SGCD: variants seen among roughly 807,000 people sequenced by gnomAD.
SGCD encodes sarcoglycan delta, also known as delta-sarcoglycan.
Under a neutral mutation model 36.6 loss-of-function variants are expected in SGCD, and 18 were observed. That is an observed-to-expected ratio of 0.49 (90% confidence interval 0.34 to 0.73). The LOEUF is 0.73. Ranked by LOEUF, SGCD falls within the 30% of genes least tolerant of loss-of-function variation. The pLI is 0.01. For missense variants in SGCD, 387 were observed against 346.7 expected (o/e 1.12, Z -0.92); for synonymous variants, 133 against 130.6 (o/e 1.02, Z -0.12).
chr5:156,646,500 C>T (rs1173207421), intron 6 of SGCD, among the ~76,000 whole-genome samples: 2 of 152,144 alleles, frequency 1.3e-5, no homozygotes, highest in Admixed American at 6.5e-5. Flanking sequence ...TGACAGAACA[C>T]CACACCATTC....
the SGCD span, among the ~76,000 whole-genome samples, chr5:155,825,337 G>A: frequency 1.3e-5 from 2 of 152,224 alleles, no homozygotes; most frequent in Admixed American, 1.3e-4. Flanking sequence ...CTTTGCTGCT[G>A]TGAACTAGGT....
At chr5:156,368,840 C>A (rs183717430) in intron 3 of SGCD, among the ~76,000 whole-genome samples, 1 of 152,184 alleles carries the variant, frequency 6.6e-6, no homozygotes, top group East Asian at 1.9e-4. Context: ...AAGCTCAGGG[C>A]TCCCACTGAT....
chr5:155,775,496 C>T, the SGCD span, among the ~76,000 whole-genome samples: 8 of 152,076 alleles, frequency 5.3e-5, no homozygotes, highest in Non-Finnish European at 1.0e-4. Context: ...CTGACTCCTG[C>T]GCCCATGCTT....
At chr5:155,770,433 C>T in the SGCD span, among the ~76,000 whole-genome samples, 1 of 152,064 alleles carries the variant, frequency 6.6e-6, no homozygotes, top group South Asian at 2.1e-4. Context: ...TGTTCAAAGA[C>T]CTTGGAGCAA....
intron 3 of SGCD, among the ~76,000 whole-genome samples, chr5:156,275,685 T>C (rs1402207366): frequency 6.6e-6 from 1 of 152,172 alleles, no homozygotes; most frequent in Non-Finnish European, 1.5e-5. Flanking sequence ...ATGTTCTACC[T>C]GAGATGGTAT....
At chr5:155,854,302 C>T in the SGCD span, among the ~76,000 whole-genome samples, 3 of 152,078 alleles carry the variant, frequency 2.0e-5, no homozygotes, top group Non-Finnish European at 4.4e-5. Context: ...TGCCAAATGT[C>T]CCCCAGGGGA....
chr5:155,941,098 G>A lies in SGCD; in HGVS notation c.-282+70674G>A, dbSNP rs144893094. On this transcript the variant is annotated intron_variant, in intron 1 of 9. Coordinates refer to the SGCD transcript ENST00000517913. Reference sequence around the variant, plus strand: ...GGGTGGCATCATCCCATGTCAGAAGGCAGAAGGGCAAAAGAGTACCAGAAA... The same window carrying A: ...GGGTGGCATCATCCCATGTCAGAAGACAGAAGGGCAAAAGAGTACCAGAAA... Among the ~76,000 whole-genome samples the A allele has an allele frequency of 3.7e-3, 568 of 152,196 alleles. 4 individuals carry two copies. Among genetic ancestry groups the A allele is most frequent in the African/African-American group, 0.013 (548 of 41,518 alleles).
chr5:155,871,962 G>T (rs1755664483), intron 1 of SGCD, among the ~76,000 whole-genome samples: 1 of 152,232 alleles, frequency 6.6e-6, no homozygotes, highest in African/African-American at 2.4e-5. Context: ...AGAAAGTCCA[G>T]TTAGAATGGG....
At chr5:156,744,104 C>T (rs190100053) in intron 7 of SGCD, among the ~76,000 whole-genome samples, 1 of 152,306 alleles carries the variant, frequency 6.6e-6, no homozygotes, top group African/African-American at 2.4e-5. Context: ...CAAGATTGCT[C>T]GAGCCCAGGA....
chr5:155,881,827 G>T (rs569321294), intron 1 of SGCD, among the ~76,000 whole-genome samples: 1 of 152,042 alleles, frequency 6.6e-6, no homozygotes, highest in African/African-American at 2.4e-5. Flanking sequence ...CAGCATCTTC[G>T]CCAGGAGTAG....
chr5:156,383,545 T>G (rs927325468), intron 3 of SGCD, among the ~76,000 whole-genome samples: 1 of 151,988 alleles, frequency 6.6e-6, no homozygotes, highest in Non-Finnish European at 1.5e-5. Context: ...ATAGGACATT[T>G]ACTAGGAATA....
chr5:156,670,013 T>A (rs549491482), intron 7 of SGCD, among the ~76,000 whole-genome samples: 15 of 152,296 alleles, frequency 9.8e-5, no homozygotes, highest in African/African-American at 3.6e-4. Flanking sequence ...ATTGTCCCCA[T>A]CACGACCAGC....
At chr5:156,558,047 A>G (rs1191066208) in intron 4 of SGCD, among the ~76,000 whole-genome samples, 1 of 145,242 alleles carries the variant, frequency 6.9e-6, no homozygotes, top group Admixed American at 7.0e-5. Flanking sequence ...AAAATGTTGA[A>G]TGAGTGAATT....
At chr5:156,231,500 C>T (rs1241418154) in intron 3 of SGCD, among the ~76,000 whole-genome samples, 1 of 152,138 alleles carries the variant, frequency 6.6e-6, no homozygotes, top group South Asian at 2.1e-4. Flanking sequence ...CGCCCCACTG[C>T]ACTCTATCCT....
intron 3 of SGCD, among the ~76,000 whole-genome samples, chr5:156,474,980 G>C (rs576014942): frequency 2.0e-5 from 3 of 152,166 alleles, no homozygotes; most frequent in Non-Finnish European, 4.4e-5. Context: ...ATGAGCTAAT[G>C]CATGTAGAGA....
At chr5:155,845,188 G>A in the SGCD span, among the ~76,000 whole-genome samples, 1 of 152,082 alleles carries the variant, frequency 6.6e-6, no homozygotes, top group Admixed American at 6.6e-5. Context: ...TTTAAAATGG[G>A]TTTGCCTACC....
chr5:156,354,478 A>G (rs1430753160), intron 3 of SGCD, among the ~76,000 whole-genome samples: 1 of 152,254 alleles, frequency 6.6e-6, no homozygotes, highest in Admixed American at 6.5e-5. Context: ...CTTGAATTCC[A>G]ATTATAAAGA....
In SGCD at chr5:156,307,552, G is replaced by GTTTTTTTTTTTTTTTT; in HGVS notation, c.-43-21980_-43-21979insTTTTTTTTTTTTTTTT. Among the ~76,000 whole-genome samples, 8 of 48,442 alleles carry GTTTTTTTTTTTTTTTT rather than the reference G, an allele frequency of 1.7e-4. 1 individual carries two copies. The highest frequency in any genetic ancestry group is 7.2e-4 in the East Asian group (1 of 1,384). The allele number at this position is 48,442 out of a possible 152,430, so 31.8% of individuals were successfully genotyped here. A position where few individuals can be genotyped will look rare whatever the true frequency, so the allele number is the denominator to read the frequency against. On this transcript the variant is annotated intron_variant, in intron 3 of 9. Coordinates refer to the SGCD transcript ENST00000517913. The stretch of plus-strand genomic sequence containing the variant: ...CTTCTTGTCTGTATACATTTTAACT[G>GTTTTTTTTTTTTTTTT]TTGTTTTTTTTTTTTTTTTTTTTTT...
intron 3 of SGCD, among the ~76,000 whole-genome samples, chr5:156,378,552 CCCCCACCTATACAGA>C (rs1055745570): frequency 4.5e-4 from 69 of 152,102 alleles, no homozygotes; most frequent in African/African-American, 1.2e-3. Context: ...TTTATAATTC[CCCCCACCTATACAGA>C]CCCCTGCAAT....
Sources: gnomAD v4.1 joint callset for allele counts (sites outside exome capture counted in the v4.1 genomes callset) on GRCh38, gnomAD v4.1.1 for gene constraint, MANE v1.5 for transcripts, NCBI Gene and HGNC (gene_info 2026-07-23, HGNC 2026-07-21) for gene names.